Variants in RASSF8 observed in about 807,000 individuals in gnomAD.
RASSF8 encodes the protein Ras association domain family member 8.
In RASSF8, 22 loss-of-function variants were observed where a neutral mutation model predicts 48.5. The ratio of observed to expected loss-of-function variants is 0.45; its 90% CI spans 0.32 to 0.65. The LOEUF is 0.65. RASSF8 is among the 30% of genes least tolerant of loss of function. The pLI is 0.03. For synonymous variants in RASSF8, 127 were observed against 171.5 expected (o/e 0.74, Z 2.03); for missense variants, 418 against 489.2 (o/e 0.85, Z 1.37).
intron 3 of RASSF8, among the ~76,000 whole-genome samples, chr12:26,063,489 C>T (rs781651389): frequency 1.3e-5 from 2 of 152,104 alleles, no homozygotes; most frequent in Non-Finnish European, 2.9e-5. Flanking sequence ...CTTGATCTCC[C>T]AGGATCAGGC....
chr12:26,014,931 C>T (rs1350614940), intron 2 of RASSF8, among the ~76,000 whole-genome samples: 2 of 151,920 alleles, frequency 1.3e-5, no homozygotes, highest in African/African-American at 4.8e-5. Context: ...ACAGGCTGGG[C>T]ATGGTGGCTC....
chr12:26,050,063 G>A (rs981207249), intron 2 of RASSF8, among the ~76,000 whole-genome samples: 1 of 152,174 alleles, frequency 6.6e-6, no homozygotes, highest in Admixed American at 6.5e-5. Flanking sequence ...AATTACAGGC[G>A]TGAGCCACCA....
intron 1 of RASSF8, among the ~76,000 whole-genome samples, chr12:25,988,609 A>G (rs967838193): frequency 6.6e-6 from 1 of 152,206 alleles, no homozygotes; most frequent in Non-Finnish European, 1.5e-5. Context: ...TCATGACTAA[A>G]CAATCATTTG....
chr12:25,981,770 C>A (rs912816701), intron 1 of RASSF8, among the ~76,000 whole-genome samples: 1 of 152,218 alleles, frequency 6.6e-6, no homozygotes, highest in Non-Finnish European at 1.5e-5. Flanking sequence ...CCTGAATGAT[C>A]TTTACTGTTG....
chr12:26,068,815 A>G lies in RASSF8; in HGVS notation c.1257A>G (p.Val419=). 5 of 1,536,884 alleles carry G rather than the reference A, an allele frequency of 3.3e-6. No individual in the cohort carries two copies. The highest frequency in any genetic ancestry group is 1.2e-5 in the South Asian group (1 of 84,038). The part of the protein sequence containing the change: ...SSGFNPEGIY[V] ...GTTTTAATCCTGAAGGCATATATGT[A>G]TGACATTATCTGTCTTTAGGGAGGA... is the stretch of plus-strand genomic sequence containing the variant. The change falls in exon 6 of 6, where the codon GTA becomes GTG. Residue 419 remains valine (V), a synonymous_variant. Transcript: ENST00000689635.
chr12:25,968,982 G>A (rs901439966), intron 1 of RASSF8, among the ~76,000 whole-genome samples: 5 of 152,188 alleles, frequency 3.3e-5, no homozygotes, highest in African/African-American at 1.2e-4. Context: ...CCTACAGGAA[G>A]AACGCTCCAG....
intron 3 of RASSF8, among the ~76,000 whole-genome samples, chr12:26,063,734 T>C (rs935810556): frequency 1.0e-5 from 1 of 100,008 alleles, no homozygotes; most frequent in Non-Finnish European, 2.2e-5. Context: ...TTGCTTTGAG[T>C]TTTTTTTTTT....
At chr12:26,051,372 G>T (rs1468649785) in intron 2 of RASSF8, among the ~76,000 whole-genome samples, 2 of 152,164 alleles carry the variant, frequency 1.3e-5, no homozygotes, top group African/African-American at 4.8e-5. Context: ...GAAAGAGCAT[G>T]AGCTTATTCA....
downstream of RASSF8, among the ~76,000 whole-genome samples, chr12:26,077,827 C>G (rs548001803): frequency 2.6e-3 from 392 of 152,278 alleles, 3 homozygotes; most frequent in African/African-American, 9.3e-3. Context: ...TCACATTTTT[C>G]TACTGGGAAA....
chr12:26,004,593 G>A (rs1339718567), intron 2 of RASSF8, among the ~76,000 whole-genome samples: 1 of 152,094 alleles, frequency 6.6e-6, no homozygotes, highest in Non-Finnish European at 1.5e-5. Flanking sequence ...TACTGTATTT[G>A]TACAATGAAG....
At chr12:25,978,593 CTT>C (rs1941664485) in intron 1 of RASSF8, among the ~76,000 whole-genome samples, 1 of 152,072 alleles carries the variant, frequency 6.6e-6, no homozygotes, top group South Asian at 2.1e-4. Flanking sequence ...TATTAGAACT[CTT>C]TGGGACTCAG....
At chr12:26,023,246 AAG>A (rs1942828766) in intron 2 of RASSF8, among the ~76,000 whole-genome samples, 1 of 152,222 alleles carries the variant, frequency 6.6e-6, no homozygotes, top group South Asian at 2.1e-4. Context: ...AAAAAATTAA[AAG>A]AAGTAGCTGA....
chr12:25,964,069 G>C (rs1053320951), intron 1 of RASSF8, among the ~76,000 whole-genome samples: 2 of 152,204 alleles, frequency 1.3e-5, no homozygotes, highest in Non-Finnish European at 2.9e-5. Context: ...TAGGCCCTCT[G>C]TGCCTGCAGG....
At chr12:26,001,342 T>G (rs536443751) in intron 2 of RASSF8, among the ~76,000 whole-genome samples, 2 of 152,034 alleles carry the variant, frequency 1.3e-5, no homozygotes, top group African/African-American at 4.8e-5. Flanking sequence ...AAATTAAAAA[T>G]TTTTATCCAC....
intron 2 of RASSF8, among the ~76,000 whole-genome samples, chr12:26,020,768 TA>T (rs942293667): frequency 6.6e-6 from 1 of 152,100 alleles, no homozygotes; most frequent in Non-Finnish European, 1.5e-5. Context: ...AAAAGTGAAA[TA>T]AAAAAATACA....
At chr12:25,968,176 G>A (rs1408816075) in intron 1 of RASSF8, among the ~76,000 whole-genome samples, 2 of 152,106 alleles carry the variant, frequency 1.3e-5, no homozygotes, top group Non-Finnish European at 2.9e-5. Context: ...TCTTAGAAAC[G>A]TTTCATGCCA....
chr12:25,968,786 A>G (rs971816360), intron 1 of RASSF8, among the ~76,000 whole-genome samples: 3 of 152,240 alleles, frequency 2.0e-5, no homozygotes, highest in Non-Finnish European at 4.4e-5. Context: ...TAATAAATGA[A>G]CAAATATTTT....
intron 2 of RASSF8, among the ~76,000 whole-genome samples, chr12:26,054,890 T>C (rs1313042802): frequency 6.6e-6 from 1 of 152,186 alleles, no homozygotes. Context: ...TTTTTTTCTT[T>C]AGTTTTGCCT....
In RASSF8 at chr12:26,069,671, A is replaced by C. The variant is rs1166686298; in HGVS notation, c.*853A>C. On this transcript the variant is annotated 3_prime_UTR_variant, in exon 6 of 6. Transcript: ENST00000689635. ...TTACACTCATGGATCTTCAGAATTAATCTAACATGGAAGTTATAGATACCT... is the reference window on the plus strand; with the variant it reads ...TTACACTCATGGATCTTCAGAATTACTCTAACATGGAAGTTATAGATACCT... The C allele has an allele frequency of 1.0e-6, 1 of 985,406 alleles. No homozygotes were observed. Among genetic ancestry groups the C allele is most frequent in the East Asian group, 1.1e-4 (1 of 8,820 alleles). 61.0% of individuals were successfully genotyped at this position (985,406 alleles called of 1,614,324 possible).
Sources: gnomAD v4.1 joint callset for allele counts (sites outside exome capture counted in the v4.1 genomes callset) on GRCh38, gnomAD v4.1.1 for gene constraint, MANE v1.5 for transcripts, NCBI Gene and HGNC (gene_info 2026-07-23, HGNC 2026-07-21) for gene names.